Variants in PLCL2 observed in about 807,000 individuals in gnomAD.
PLCL2 encodes inactive phospholipase C-like protein 2.
A neutral mutation model predicts 79.6 loss-of-function variants in PLCL2; 4 were observed. The observed-to-expected ratio is 0.05, with a 90% CI of 0.02 to 0.11. The LOEUF is 0.11. Ranked by LOEUF, PLCL2 falls within the 10% of genes least tolerant of loss-of-function variation. PLCL2 has a pLI of 1.00. For missense variants in PLCL2, 895 were observed against 1,291.0 expected (o/e 0.69, Z 4.70); for synonymous variants, 484 against 457.7 (o/e 1.06, Z -0.73).
intron 4 of PLCL2, among the ~76,000 whole-genome samples, chr3:17,063,592 G>T (rs564564703): frequency 9.2e-4 from 140 of 152,032 alleles, no homozygotes; most frequent in Middle Eastern, 3.4e-3. Flanking sequence ...TCTGTTACTC[G>T]TTGAGGTTTG....
At chr3:16,903,904 C>G (rs1696687480) in intron 1 of PLCL2, among the ~76,000 whole-genome samples, 1 of 152,214 alleles carries the variant, frequency 6.6e-6, no homozygotes, top group African/African-American at 2.4e-5. Context: ...CAGCCTGCAC[C>G]TGGGTGAGCC....
At chr3:16,891,945 C>A (rs926586837) in intron 1 of PLCL2, among the ~76,000 whole-genome samples, 3 of 152,206 alleles carry the variant, frequency 2.0e-5, no homozygotes, top group Non-Finnish European at 4.4e-5. Context: ...TGTCTTCCAG[C>A]CACCACTCTC....
At chr3:16,988,337 C>G (rs2064071199) in intron 1 of PLCL2, among the ~76,000 whole-genome samples, 1 of 152,022 alleles carries the variant, frequency 6.6e-6, no homozygotes, top group African/African-American at 2.4e-5. Flanking sequence ...CTTTAAGCAC[C>G]CTTTCATGTG....
intron 4 of PLCL2, among the ~76,000 whole-genome samples, chr3:17,044,927 G>T (rs919552853): frequency 6.6e-6 from 1 of 152,160 alleles, no homozygotes; most frequent in Non-Finnish European, 1.5e-5. Flanking sequence ...AGGATGGGGG[G>T]AGAATAACCA....
chr3:16,988,110 A>G (rs944480525), intron 1 of PLCL2, among the ~76,000 whole-genome samples: 2 of 152,132 alleles, frequency 1.3e-5, no homozygotes, highest in Non-Finnish European at 2.9e-5. Context: ...TCCAATGAAG[A>G]TTTTTTGCTA....
At chr3:17,043,573 A>AT (rs1279305800) in intron 4 of PLCL2, among the ~76,000 whole-genome samples, 2 of 151,838 alleles carry the variant, frequency 1.3e-5, no homozygotes, top group African/African-American at 4.8e-5. Flanking sequence ...TAATTTTCTG[A>AT]TTTTTTGAGT....
chr3:17,053,020 C>T (rs905567867), intron 4 of PLCL2, among the ~76,000 whole-genome samples: 1 of 152,086 alleles, frequency 6.6e-6, no homozygotes, highest in Middle Eastern at 3.2e-3. Context: ...AGTCAATGCC[C>T]CTAACACCCC....
intron 1 of PLCL2, among the ~76,000 whole-genome samples, chr3:17,004,725 G>A (rs1176083961): frequency 1.3e-5 from 2 of 152,124 alleles, no homozygotes; most frequent in African/African-American, 4.8e-5. Context: ...TTGAGCTGAA[G>A]AAAGGTCAGG....
Position 16,916,515 on chromosome 3 carries a change from C to G in PLCL2, c.327+31149C>G, listed in dbSNP as rs990611970. 4.6e-5 allele frequency among the ~76,000 whole-genome samples: 7 copies of G among 152,214 alleles called. No homozygotes were observed. The East Asian group carries it at 1.4e-3, about 29-fold the overall frequency. On this transcript the variant is annotated intron_variant, in intron 1 of 5. Coordinates refer to ENST00000615277, the MANE Select transcript of PLCL2 (RefSeq NM_001144382.2). ...TATTCTGGAGCTTGGCATTTGAGTT[C>G]AATATTGCCAAAACTCCAGGAATAA...
intron 5 of PLCL2, among the ~76,000 whole-genome samples, chr3:17,088,918 G>C (rs979308390): frequency 2.0e-5 from 3 of 152,152 alleles, no homozygotes; most frequent in Admixed American, 1.3e-4. Context: ...CAAGTTGATG[G>C]TCAGACCTCA....
intron 5 of PLCL2, among the ~76,000 whole-genome samples, chr3:17,082,985 T>C (rs1006781630): frequency 2.6e-5 from 4 of 152,156 alleles, no homozygotes; most frequent in Non-Finnish European, 1.5e-5. Context: ...TTAATTGCAT[T>C]CAACAGATGG....
chr3:16,956,482 A>G (rs2063706796), intron 1 of PLCL2, among the ~76,000 whole-genome samples: 1 of 152,114 alleles, frequency 6.6e-6, no homozygotes, highest in Non-Finnish European at 1.5e-5. Context: ...ATATTGGTCT[A>G]AAATTCTCTT....
chr3:17,050,781 A>T (rs1372488284), intron 4 of PLCL2, among the ~76,000 whole-genome samples: 1 of 152,222 alleles, frequency 6.6e-6, no homozygotes, highest in Non-Finnish European at 1.5e-5. Flanking sequence ...ATGATCGAGC[A>T]ATCCCACTGC....
intron 3 of PLCL2, among the ~76,000 whole-genome samples, chr3:17,018,882 G>A (rs1423705815): frequency 2.6e-5 from 4 of 152,154 alleles, no homozygotes; most frequent in African/African-American, 9.7e-5. Flanking sequence ...TGCCTACTGT[G>A]TACCAGTGAC....
chr3:16,979,058 T>G (rs1177861782), intron 1 of PLCL2, among the ~76,000 whole-genome samples: 1 of 152,218 alleles, frequency 6.6e-6, no homozygotes, highest in South Asian at 2.1e-4. Flanking sequence ...GTTGCCTTAT[T>G]GACTTTTGGA....
chr3:16,954,691 G>A (rs1237487835), intron 1 of PLCL2, among the ~76,000 whole-genome samples: 1 of 152,120 alleles, frequency 6.6e-6, no homozygotes, highest in Non-Finnish European at 1.5e-5. Flanking sequence ...AGCACCTGTT[G>A]TTTCCTGACT....
intron 3 of PLCL2, among the ~76,000 whole-genome samples, chr3:17,039,604 G>T (rs972924175): frequency 5.9e-5 from 9 of 152,138 alleles, no homozygotes; most frequent in Non-Finnish European, 1.3e-4. Context: ...TTTTATAACA[G>T]GTGTGACAAC....
rs768458330 is a variant in PLCL2, at chr3:16,924,927, G to GT, written c.327+39564dup. Among the ~76,000 whole-genome samples, 1,094 of 149,002 alleles carry GT rather than the reference G, an allele frequency of 7.3e-3. 12 individuals carry two copies. The highest frequency in any genetic ancestry group is 0.022 in the African/African-American group (895 of 40,774). On this transcript the variant is annotated intron_variant, in intron 1 of 5. Coordinates refer to ENST00000615277, the MANE Select transcript of PLCL2 (RefSeq NM_001144382.2). ...ATTTAAATCTACAGAATACAAGTTT[G>GT]TTTGTTTTTTTTTTGAGATGGAGTC...
At chr3:16,936,148 A>G (rs1697533283) in intron 1 of PLCL2, among the ~76,000 whole-genome samples, 1 of 152,258 alleles carries the variant, frequency 6.6e-6, no homozygotes, top group Non-Finnish European at 1.5e-5. Flanking sequence ...AAGGAATCTT[A>G]GGAAATAAAA....
Sources: gnomAD v4.1 joint callset for allele counts (sites outside exome capture counted in the v4.1 genomes callset) on GRCh38, gnomAD v4.1.1 for gene constraint, MANE v1.5 for transcripts, NCBI Gene and HGNC (gene_info 2026-07-23, HGNC 2026-07-21) for gene names.